The following SRI variants were observed in gnomAD, a reference collection of about 807,000 sequenced individuals.
SRI encodes 22 kDa protein.
In SRI, 30 loss-of-function variants were observed where a neutral mutation model predicts 33.3. That is an observed-to-expected ratio of 0.90 (90% confidence interval 0.67 to 1.22). The LOEUF is 1.22. Among genes scored for constraint, SRI ranks in the 50% most tolerant of loss-of-function variants. The pLI, the probability that SRI is intolerant of heterozygous loss-of-function variation, is 0.00. For synonymous variants in SRI, 75 were observed against 89.9 expected, an observed-to-expected ratio of 0.83 and a Z score of 0.94; for missense variants, 243 against 250.8, an observed-to-expected ratio of 0.97 and a Z score of 0.21.
chr7:88,206,350 T>A lies in SRI; in HGVS notation c.*128A>T, dbSNP rs1163961284. 3.6e-6 allele frequency: 4 copies of A among 1,101,288 alleles called. No homozygotes were observed. The African/African-American group carries it at 6.2e-5, about 17-fold the overall frequency. 68.2% of individuals were successfully genotyped at this position (1,101,288 alleles called of 1,614,324 possible). The stretch of plus-strand genomic sequence containing the variant: ...AAAACTTCAGTTGTACATAAAGTAA[T>A]AAACTTTACAACAGCTGTTAAGAGA... On this transcript the variant is annotated 3_prime_UTR_variant, in exon 8 of 8. Coordinates refer to ENST00000265729, the MANE Select transcript of SRI (RefSeq NM_003130.4).
intron 1 of SRI, 65 bp downstream of exon 1, chr7:88,219,911 C>T: frequency 6.6e-7 from 1 of 1,523,388 alleles, no homozygotes; most frequent in African/African-American, 1.4e-5. Context: ...GCCGCAGCAT[C>T]TCCAAGGTGG....
intron 1 of SRI, among the ~76,000 whole-genome samples, chr7:88,225,882 T>A (rs1375650585): frequency 6.6e-6 from 1 of 152,232 alleles, no homozygotes; most frequent in Non-Finnish European, 1.5e-5. Context: ...AGATAATTAT[T>A]TTTTGATGAA....
intron 3 of SRI, 132 bp from the exon 4 acceptor site, chr7:88,211,057 A>G (rs1335349211): frequency 1.4e-6 from 1 of 735,862 alleles, no homozygotes; most frequent in Non-Finnish European, 2.3e-6. Context: ...TTTACGTGTG[A>G]CTAATCATAT....
At chr7:88,220,134 C>G (rs543819403), upstream of SRI, 867 of 1,347,910 alleles carry the variant, frequency 6.4e-4, 15 homozygotes, top group South Asian at 0.015. Context: ...ACCACGCGGG[C>G]GTGGGGGACG....
At chr7:88,211,913 G>C (rs1457540390) in intron 3 of SRI, among the ~76,000 whole-genome samples, 1 of 152,194 alleles carries the variant, frequency 6.6e-6, no homozygotes, top group Non-Finnish European at 1.5e-5. Flanking sequence ...TGCAATGGGT[G>C]TGGTTACTGG....
upstream of SRI, among the ~76,000 whole-genome samples, chr7:88,220,978 G>C (rs926244796): frequency 6.6e-6 from 1 of 152,118 alleles, no homozygotes; most frequent in African/African-American, 2.4e-5. Flanking sequence ...TGAGCTTTTT[G>C]TTTTGTTTTG....
chr7:88,209,474 A>G, intron 5 of SRI, 22 bp from the exon 6 acceptor site: 1 of 1,581,822 alleles, frequency 6.3e-7, no homozygotes, highest in South Asian at 1.1e-5. Flanking sequence ...GCCATCCAGT[A>G]AAAAGGTTAA....
At chr7:88,211,095 AAAG>A (rs1473931145) in intron 3 of SRI, among the ~76,000 whole-genome samples, 170 bp from the exon 4 acceptor site, 8 of 152,242 alleles carry the variant, frequency 5.3e-5, no homozygotes, top group Admixed American at 1.3e-4. Flanking sequence ...TTTTCTCCAT[AAAG>A]AAGATTTTTT....
rs1465618274 is a variant in SRI at position 88,218,948 on chromosome 7, A to G, written c.52-6T>C. The G allele has an allele frequency of 1.2e-6, 2 of 1,612,736 alleles. No homozygotes were observed. Reference sequence around the variant, plus strand: ...CCTCCGGGAGCCCCTCCATACTGTGAAACAGGAAACACATACACGTCATTC... The same window carrying G: ...CCTCCGGGAGCCCCTCCATACTGTGGAACAGGAAACACATACACGTCATTC... On this transcript the variant is annotated splice_region_variant and splice_polypyrimidine_tract_variant and intron_variant, in intron 1 of 7. Transcript: ENST00000265729.
chr7:88,208,322 C>G, intron 7 of SRI, 185 bp downstream of exon 7: 5 of 1,335,814 alleles, frequency 3.7e-6, no homozygotes, highest in Non-Finnish European at 4.8e-6. Context: ...AAATCATGGT[C>G]TCACTATAGT....
rs753940940 is a variant in SRI at position 88,219,983 on chromosome 7, G to A, written c.44C>T (p.Pro15Leu). ...GHPGAGGGYY[P>L]GGYGGAPGGP... ...CGCGCAGTCAGCACTTACCCCGCCTGGGTAGTACCCGCCGCCGGCGCCAGG... is the reference window on the plus strand; with the variant it reads ...CGCGCAGTCAGCACTTACCCCGCCTAGGTAGTACCCGCCGCCGGCGCCAGG... Residue 15 changes from proline to leucine, a missense_variant, in exon 1 of 8, where the codon CCA (proline) becomes CTA (leucine). Pro to Leu is a moderately conservative substitution (Grantham distance 98). Coordinates refer to ENST00000265729, the MANE Select transcript of SRI (RefSeq NM_003130.4). 9.7e-6 allele frequency: 15 copies of A among 1,539,634 alleles called. No homozygotes were observed. Among genetic ancestry groups the A allele is most frequent in the Non-Finnish European group, 1.3e-5 (15 of 1,146,632 alleles).
In SRI at chr7:88,209,886, G is replaced by A. The variant is rs918468422; in HGVS notation, c.397+97C>T. On this transcript the variant is annotated intron_variant, in intron 5 of 7. Coordinates refer to ENST00000265729, the MANE Select transcript of SRI (RefSeq NM_003130.4). ...CCTCCTTGGCCTCCCAAAGTGCTGGGATTACAGGTGTGAGCCACTGCACCC... is the reference window on the plus strand; with the variant it reads ...CCTCCTTGGCCTCCCAAAGTGCTGGAATTACAGGTGTGAGCCACTGCACCC... 4.6e-6 allele frequency: 7 copies of A among 1,526,974 alleles called. No individual in the cohort carries two copies. In the African/African-American group the frequency reaches 8.2e-5, roughly 18 times the overall value. 94.6% of individuals were successfully genotyped at this position (1,526,974 alleles called of 1,614,324 possible).
intron 5 of SRI, 97 bp from the exon 6 acceptor site, chr7:88,209,549 A>T: frequency 1.1e-6 from 1 of 870,308 alleles, no homozygotes; most frequent in Non-Finnish European, 1.9e-6. Flanking sequence ...AAGACTGCAG[A>T]CTCATATTAA....
chr7:88,219,894 C>T, intron 1 of SRI, 82 bp downstream of exon 1: 2 of 1,491,058 alleles, frequency 1.3e-6, no homozygotes, highest in Non-Finnish European at 1.8e-6. Context: ...AGCGCCTCAC[C>T]CCGCTGGCCG....
upstream of SRI, among the ~76,000 whole-genome samples, chr7:88,221,117 A>G (rs116897682): frequency 3.6e-3 from 553 of 152,322 alleles, 16 homozygotes; most frequent in East Asian, 0.063. Context: ...TGGAGGTTGC[A>G]CAGAAACATT....
chr7:88,217,869 T>C (rs1851771916), intron 2 of SRI, among the ~76,000 whole-genome samples: 1 of 152,234 alleles, frequency 6.6e-6, no homozygotes, highest in Non-Finnish European at 1.5e-5. Flanking sequence ...AATGCTAGTC[T>C]TGAGGTTTGC....
chr7:88,220,077 C>T, upstream of SRI: 1 of 1,478,800 alleles, frequency 6.8e-7, no homozygotes, highest in East Asian at 2.8e-5. Flanking sequence ...GGCCTCTCCG[C>T]CCCCTGCCCC....
At chr7:88,219,902 C>T in intron 1 of SRI, 74 bp downstream of exon 1, 1 of 1,503,236 alleles carries the variant, frequency 6.7e-7, no homozygotes, top group Non-Finnish European at 8.9e-7. Flanking sequence ...ACCCCGCTGG[C>T]CGCAGCATCT....
At chr7:88,220,059 G>A (rs541437607), upstream of SRI, 28 of 1,513,954 alleles carry the variant, frequency 1.8e-5, no homozygotes, top group African/African-American at 3.4e-4. Flanking sequence ...CCCTCGCCCT[G>A]TGCGCCAGGC....
Sources: allele counts gnomAD v4.1 joint callset (sites outside exome capture counted in the v4.1 genomes callset), GRCh38; gene constraint gnomAD v4.1.1; transcripts MANE v1.5; gene names NCBI Gene and HGNC (gene_info 2026-07-23, HGNC 2026-07-21).